Variants in SUMF1 observed in about 807,000 individuals in gnomAD.
The protein encoded by SUMF1 is formylglycine-generating enzyme.
In SUMF1, 48 loss-of-function variants were observed where a neutral mutation model predicts 47.6. That is an observed-to-expected ratio of 1.01 (90% CI 0.80 to 1.28). The LOEUF (loss-of-function observed/expected upper bound fraction) is 1.28. Ranked by LOEUF, SUMF1 falls within the 50% of genes most tolerant of loss-of-function variation. The pLI, the probability that SUMF1 is intolerant of heterozygous loss-of-function variation, is 0.00. For missense variants in SUMF1, 571 were observed against 485.4 expected (o/e 1.18, Z -1.66); for synonymous variants, 230 against 192.1 (o/e 1.20, Z -1.63).
chr3:4,314,163 A>C, intron 8 of SUMF1: 4 of 221,908 alleles, frequency 1.8e-5, no homozygotes, highest in East Asian at 2.1e-4. Context: ...AAAAATCAAC[A>C]AGGTTAAAAG....
rs142521216 is a variant in SUMF1, at chr3:4,381,902, C to T, written c.955-5513G>A. 3.8e-3 allele frequency among the ~76,000 whole-genome samples: 573 copies of T among 152,158 alleles called. 5 individuals are homozygous for T. The highest frequency in any genetic ancestry group is 0.013 in the African/African-American group (547 of 41,514). ...CTCTACAAAAAATACAAAAATTAGC[C>T]GGGCGTGGTGGGGCACGCCTGTAGT... is the stretch of plus-strand genomic sequence containing the variant. On this transcript the variant is annotated intron_variant, in intron 7 of 8. Coordinates refer to ENST00000272902, the MANE Select transcript of SUMF1 (RefSeq NM_182760.4).
At chr3:4,273,017 C>T (rs1697333313) in intron 8 of SUMF1, among the ~76,000 whole-genome samples, 1 of 151,674 alleles carries the variant, frequency 6.6e-6, no homozygotes, top group Admixed American at 6.6e-5. Flanking sequence ...TATGATCATG[C>T]CACTGCAACT....
chr3:4,318,987 A>G (rs1033198214), intron 8 of SUMF1, among the ~76,000 whole-genome samples: 10 of 152,220 alleles, frequency 6.6e-5, no homozygotes, highest in Non-Finnish European at 1.2e-4. Context: ...ATAGACATCA[A>G]AAATAAACAT....
chr3:4,410,034 T>C (rs1400399849), intron 7 of SUMF1, among the ~76,000 whole-genome samples: 1 of 152,266 alleles, frequency 6.6e-6, no homozygotes, highest in Non-Finnish European at 1.5e-5. Flanking sequence ...CCAGTCTAGC[T>C]AGTTTGGTTA....
chr3:4,225,684 A>G (rs573443208), intron 8 of SUMF1, among the ~76,000 whole-genome samples: 19 of 152,256 alleles, frequency 1.2e-4, no homozygotes, highest in Non-Finnish European at 2.2e-4. Context: ...CTGAATCATG[A>G]GCAGAGAGTA....
intron 8 of SUMF1, among the ~76,000 whole-genome samples, chr3:4,215,567 A>G (rs375113874): frequency 5.0e-4 from 76 of 152,334 alleles, no homozygotes; most frequent in African/African-American, 1.7e-3. Flanking sequence ...AGAGAAAGAA[A>G]TAAAGGTATT....
At chr3:4,351,897 T>A (rs192950552) in intron 8 of SUMF1, among the ~76,000 whole-genome samples, 70 of 152,296 alleles carry the variant, frequency 4.6e-4, no homozygotes, top group Middle Eastern at 3.4e-3. Context: ...GATTGTACCT[T>A]TTCTAGAAGT....
At chr3:4,314,016 G>T in intron 8 of SUMF1, 1 of 598,532 alleles carries the variant, frequency 1.7e-6, no homozygotes, top group Non-Finnish European at 2.8e-6. Flanking sequence ...AAGCAAAAAT[G>T]ACAAGTCCTT....
At position 4,037,164 on chromosome 3, in the gene SUMF1, G is replaced by A. The variant is rs1480035394; in HGVS notation, c.1191+31405C>T. Among the ~76,000 whole-genome samples, 2 of 152,174 alleles carry A rather than the reference G, an allele frequency of 1.3e-5. 1 individual carries two copies. The highest frequency in any genetic ancestry group is 2.9e-5 in the Non-Finnish European group (2 of 68,036). ...AGAAGAGTGATCTATTGGCATGAGT[G>A]ACACAGAGTAAGGAAATAATATGGA... On this transcript the variant is annotated intron_variant and NMD_transcript_variant, in intron 9 of 12. Transcript: ENST00000448413.
intron 8 of SUMF1, among the ~76,000 whole-genome samples, chr3:4,175,709 G>C (rs1694944556): frequency 6.6e-6 from 1 of 152,166 alleles, no homozygotes; most frequent in Admixed American, 6.5e-5. Flanking sequence ...ACAGAAGTAG[G>C]CTTCAGAAGG....
At chr3:4,079,360 G>A (rs946109964) in intron 8 of SUMF1, among the ~76,000 whole-genome samples, 1 of 152,026 alleles carries the variant, frequency 6.6e-6, no homozygotes, top group African/African-American at 2.4e-5. Context: ...CTGATCGATT[G>A]GTAGTAGATG....
At chr3:4,150,164 G>C (rs1349096288) in intron 8 of SUMF1, among the ~76,000 whole-genome samples, 1 of 151,080 alleles carries the variant, frequency 6.6e-6, no homozygotes, top group Non-Finnish European at 1.5e-5. Flanking sequence ...GCGTATTATA[G>C]CTCACTGCAG....
chr3:4,187,308 G>T (rs970290109), intron 8 of SUMF1, among the ~76,000 whole-genome samples: 10 of 152,212 alleles, frequency 6.6e-5, no homozygotes, highest in Non-Finnish European at 1.2e-4. Flanking sequence ...GCTTGAGGTT[G>T]CAGTGAGCTA....
At chr3:4,073,771 T>A (rs1325158040) in intron 8 of SUMF1, among the ~76,000 whole-genome samples, 1 of 152,118 alleles carries the variant, frequency 6.6e-6, no homozygotes, top group Non-Finnish European at 1.5e-5. Context: ...AAGGGATCAA[T>A]TCAACAAGAA....
rs1470322530 is a variant in SUMF1 at position 4,376,998 on chromosome 3, G to A, written c.955-609C>T. On this transcript the variant is annotated intron_variant, in intron 7 of 8. Coordinates refer to ENST00000272902, the MANE Select transcript of SUMF1 (RefSeq NM_182760.4). Reference sequence around the variant, plus strand: ...TTATTATTTGTAGAGACAGGGTCTCGCTATATTGCCCAGGCTGGTCTTGAA... The same window carrying A: ...TTATTATTTGTAGAGACAGGGTCTCACTATATTGCCCAGGCTGGTCTTGAA... Among the ~76,000 whole-genome samples, 7 of 151,844 alleles carry A rather than the reference G, an allele frequency of 4.6e-5. No individual in the cohort carries two copies. The South Asian group carries it at 1.3e-3, about 27-fold the overall frequency.
chr3:4,117,910 T>C lies in SUMF1; in HGVS notation c.1015-49165A>G, dbSNP rs531481507. 2.6e-5 allele frequency among the ~76,000 whole-genome samples: 4 copies of C among 152,068 alleles called. No individual in the cohort carries two copies. In the East Asian group the frequency reaches 7.7e-4, roughly 29 times the overall value. The stretch of plus-strand genomic sequence containing the variant: ...CAGCTAGGCCTTTCTAATCATCCTA[T>C]TATGCCAAAGAAGACATGGTTCCCA... On this transcript the variant is annotated intron_variant and NMD_transcript_variant, in intron 8 of 12. Transcript: ENST00000448413.
intron 8 of SUMF1, among the ~76,000 whole-genome samples, chr3:4,179,453 T>C (rs1350967708): frequency 6.6e-6 from 1 of 152,164 alleles, no homozygotes; most frequent in Non-Finnish European, 1.5e-5. Context: ...CCCTATTTAA[T>C]AAATGGTGCT....
intron 8 of SUMF1, among the ~76,000 whole-genome samples, chr3:4,261,593 C>T (rs56359429): frequency 0.044 from 6,738 of 152,270 alleles, 473 homozygotes; most frequent in African/African-American, 0.15. Flanking sequence ...TAGGTGTCAA[C>T]CATCTGCAGT....
intron 3 of SUMF1, among the ~76,000 whole-genome samples, chr3:4,425,029 G>A (rs953089603): frequency 4.3e-4 from 66 of 152,182 alleles, no homozygotes; most frequent in African/African-American, 1.3e-3. Context: ...TGCCAACTGC[G>A]GCAGACAAAA....
Sources: gnomAD v4.1 joint callset for allele counts (sites outside exome capture counted in the v4.1 genomes callset) on GRCh38, gnomAD v4.1.1 for gene constraint, MANE v1.5 for transcripts, NCBI Gene and HGNC (gene_info 2026-07-23, HGNC 2026-07-21) for gene names.